CPXM2: variants seen among roughly 807,000 people sequenced by gnomAD.
CPXM2 encodes carboxypeptidase X, M14 family member 2.
A neutral mutation model predicts 86.1 loss-of-function variants in CPXM2; 66 were observed. That is an observed-to-expected ratio of 0.77 (90% CI 0.63 to 0.94). The LOEUF is 0.94. CPXM2 is among the 40% of genes least tolerant of loss of function. The pLI, the probability that CPXM2 is intolerant of heterozygous loss-of-function variation, is 0.00. For synonymous variants in CPXM2, 388 were observed against 400.2 expected, an observed-to-expected ratio of 0.97 and a Z score of 0.36; for missense variants, 948 against 1,026.3, an observed-to-expected ratio of 0.92 and a Z score of 1.04.
intron 13 of CPXM2, among the ~76,000 whole-genome samples, chr10:123,753,429 C>T (rs1207826881): frequency 6.6e-6 from 1 of 152,218 alleles, no homozygotes; most frequent in Admixed American, 6.5e-5. Context: ...ACCTGCAGGG[C>T]ATCTTCCAGC....
intron 1 of CPXM2, among the ~76,000 whole-genome samples, chr10:123,939,808 G>T (rs1449088249): frequency 6.6e-6 from 1 of 152,134 alleles, no homozygotes; most frequent in Non-Finnish European, 1.5e-5. Context: ...GAGCCTGGGC[G>T]CACCCCAGAT....
At chr10:123,882,658 C>T (rs1945110998) in intron 1 of CPXM2, among the ~76,000 whole-genome samples, 1 of 152,312 alleles carries the variant, frequency 6.6e-6, no homozygotes, top group African/African-American at 2.4e-5. Context: ...CAGCCAGGGC[C>T]GCCTCCCTGG....
chr10:123,828,765 C>A (rs1848099204), intron 4 of CPXM2, among the ~76,000 whole-genome samples: 2 of 152,030 alleles, frequency 1.3e-5, no homozygotes, highest in African/African-American at 4.8e-5. Flanking sequence ...AACAATAAAA[C>A]TTGTAGAAGA....
chr10:123,934,498 A>G (rs1945697009), intron 2 of CPXM2, among the ~76,000 whole-genome samples: 2 of 151,532 alleles, frequency 1.3e-5, no homozygotes, highest in South Asian at 4.2e-4. Flanking sequence ...AGGAACACCC[A>G]TCATACTGGA....
intron 2 of CPXM2, among the ~76,000 whole-genome samples, chr10:123,879,552 A>T (rs981507267): frequency 7.2e-5 from 11 of 152,212 alleles, no homozygotes; most frequent in African/African-American, 2.7e-4. Context: ...TGGCTACTAC[A>T]TAAGTGCTTA....
chr10:123,924,755 A>C (rs1436978272), intron 2 of CPXM2, among the ~76,000 whole-genome samples: 1 of 152,206 alleles, frequency 6.6e-6, no homozygotes, highest in Non-Finnish European at 1.5e-5. Flanking sequence ...TCTGGTAACC[A>C]GACTCCATCC....
chr10:123,773,890 C>T, intron 7 of CPXM2, among the ~76,000 whole-genome samples: 1 of 152,184 alleles, frequency 6.6e-6, no homozygotes, highest in East Asian at 1.9e-4. Context: ...CTGCAAGTCA[C>T]AGGAGAAAAG....
chr10:123,820,444 T>G (rs1490514331), intron 4 of CPXM2, among the ~76,000 whole-genome samples: 1 of 152,226 alleles, frequency 6.6e-6, no homozygotes. Context: ...CACACATGTC[T>G]GCTCACTAGT....
chr10:123,852,270 A>G (rs562636766), intron 3 of CPXM2, among the ~76,000 whole-genome samples: 1 of 152,150 alleles, frequency 6.6e-6, no homozygotes, highest in East Asian at 1.9e-4. Flanking sequence ...TCATCTCCCC[A>G]TTAGATTACT....
intron 7 of CPXM2, among the ~76,000 whole-genome samples, chr10:123,776,239 A>C (rs902038659): frequency 6.6e-6 from 1 of 152,196 alleles, no homozygotes; most frequent in Non-Finnish European, 1.5e-5. Flanking sequence ...AAGAAGTCTG[A>C]AAAGTCTCCC....
chr10:123,751,134 ATTTT>A, intron 13 of CPXM2: 10 of 885,520 alleles, frequency 1.1e-5, no homozygotes, highest in Non-Finnish European at 1.4e-5. Context: ...AGACACAGGT[ATTTT>A]GCCTGAGCGT....
chr10:123,797,948 T>C, intron 6 of CPXM2, 28 bp downstream of exon 6: 1 of 1,552,728 alleles, frequency 6.4e-7, no homozygotes, highest in East Asian at 2.3e-5. Flanking sequence ...GCTCCCACCC[T>C]GCAGGAAGCA....
chr10:123,863,670 T>C (rs765464088), intron 2 of CPXM2, among the ~76,000 whole-genome samples: 24 of 152,156 alleles, frequency 1.6e-4, no homozygotes, highest in Non-Finnish European at 3.2e-4. Context: ...TCAGAAATCC[T>C]CACTGCTGGG....
intron 3 of CPXM2, among the ~76,000 whole-genome samples, chr10:123,854,362 A>AT (rs1848663474): frequency 1.8e-5 from 2 of 113,904 alleles, no homozygotes; most frequent in African/African-American, 8.5e-5. Flanking sequence ...ATATATAAAA[A>AT]TATATATATA....
chr10:123,913,102 G>T (rs1326852132), intron 2 of CPXM2, among the ~76,000 whole-genome samples: 1 of 152,172 alleles, frequency 6.6e-6, no homozygotes, highest in African/African-American at 2.4e-5. Flanking sequence ...GCCTTGATTT[G>T]ATTAATGAGT....
At chr10:123,856,241 C>G (rs141108542) in intron 3 of CPXM2, among the ~76,000 whole-genome samples, 1 of 152,204 alleles carries the variant, frequency 6.6e-6, no homozygotes, top group Admixed American at 6.5e-5. Flanking sequence ...TCTGATCACA[C>G]GTCAGACCCT....
intron 6 of CPXM2, among the ~76,000 whole-genome samples, chr10:123,781,619 C>T (rs1019493668): frequency 1.3e-5 from 2 of 152,286 alleles, no homozygotes; most frequent in Admixed American, 1.3e-4. Flanking sequence ...ACTCTAGAGG[C>T]AGTGGGGGCA....
intron 3 of CPXM2, among the ~76,000 whole-genome samples, chr10:123,855,549 T>G (rs1590070334): frequency 6.6e-6 from 1 of 152,132 alleles, no homozygotes; most frequent in Non-Finnish European, 1.5e-5. Flanking sequence ...GCCTCCACCT[T>G]TGGTCAAAGT....
intron 7 of CPXM2, chr10:123,776,804 C>CA (rs1564763668): frequency 6.6e-6 from 1 of 152,014 alleles, no homozygotes; most frequent in African/African-American, 2.4e-5. Flanking sequence ...TGAAAACTGC[C>CA]TTTTTTTTAG....
Sources: allele counts gnomAD v4.1 joint callset (sites outside exome capture counted in the v4.1 genomes callset), GRCh38; gene constraint gnomAD v4.1.1; transcripts MANE v1.5; gene names NCBI Gene and HGNC (gene_info 2026-07-23, HGNC 2026-07-21).